ASPRV1: variants seen among roughly 807,000 people sequenced by gnomAD.
The protein encoded by ASPRV1 is retroviral-like aspartic protease 1.
ASPRV1 carries 7 observed loss-of-function variants against 11.0 expected under a neutral mutation model. That is an observed-to-expected ratio of 0.64 (90% confidence interval 0.36 to 1.20). The LOEUF (loss-of-function observed/expected upper bound fraction) is 1.20, where lower values mean the gene tolerates loss of function less well. Ranked by LOEUF, ASPRV1 falls within the 50% of genes most tolerant of loss-of-function variation. The pLI is 0.02. For synonymous variants in ASPRV1, 136 were observed against 138.4 expected, an observed-to-expected ratio of 0.98 and a Z score of 0.12; for missense variants, 299 against 320.0, an observed-to-expected ratio of 0.93 and a Z score of 0.50.
At chr2:69,948,350 C>G in the ASPRV1 span, among the ~76,000 whole-genome samples, 2 of 152,226 alleles carry the variant, frequency 1.3e-5, no homozygotes, top group Non-Finnish European at 2.9e-5. Context: ...CGGCAGGAAG[C>G]TGTCCAGCGG....
chr2:69,945,098 C>T, the ASPRV1 span, among the ~76,000 whole-genome samples: 3 of 152,074 alleles, frequency 2.0e-5, no homozygotes, highest in African/African-American at 7.2e-5. Flanking sequence ...GCCTTCCCAT[C>T]AATAAAGGAC....
chr2:70,077,768 T>C, the ASPRV1 span, among the ~76,000 whole-genome samples: 1 of 150,496 alleles, frequency 6.6e-6, no homozygotes, highest in African/African-American at 2.5e-5. Flanking sequence ...GGCAGGAGAA[T>C]CACTTGAATA....
the ASPRV1 span, chr2:70,056,083 C>G: frequency 1.3e-5 from 2 of 152,072 alleles, no homozygotes; most frequent in Admixed American, 6.6e-5. Flanking sequence ...GTAAAATAAG[C>G]CCATCACACA....
chr2:70,016,964 A>G, the ASPRV1 span, among the ~76,000 whole-genome samples: 1 of 152,186 alleles, frequency 6.6e-6, no homozygotes, highest in Non-Finnish European at 1.5e-5. Flanking sequence ...CACCACATTA[A>G]CAGGAGGAAG....
At chr2:69,985,518 A>G in the ASPRV1 span, among the ~76,000 whole-genome samples, 1 of 152,200 alleles carries the variant, frequency 6.6e-6, no homozygotes, top group Non-Finnish European at 1.5e-5. Context: ...CTTGGGGATC[A>G]AAATCCACTT....
At chr2:69,990,008 C>A in the ASPRV1 span, among the ~76,000 whole-genome samples, 2 of 152,200 alleles carry the variant, frequency 1.3e-5, no homozygotes, top group Admixed American at 1.3e-4. Context: ...ACTCTTTTAA[C>A]CCTCACGGAA....
At chr2:69,938,254 G>C in the ASPRV1 span, 1 of 1,614,196 alleles carries the variant, frequency 6.2e-7, no homozygotes, top group Non-Finnish European at 8.5e-7. Context: ...TAAAGCTGCA[G>C]GACAGTCACA....
the ASPRV1 span, among the ~76,000 whole-genome samples, chr2:69,949,532 T>C: frequency 2.0e-5 from 3 of 152,098 alleles, no homozygotes; most frequent in East Asian, 1.9e-4. Flanking sequence ...ACAAAAGCAA[T>C]TGGACAGAAA....
At chr2:69,995,580 G>A in the ASPRV1 span, among the ~76,000 whole-genome samples, 2 of 152,236 alleles carry the variant, frequency 1.3e-5, no homozygotes, top group Admixed American at 6.5e-5. Context: ...CCTCAGTTGG[G>A]AAGCCAAATG....
the ASPRV1 span, among the ~76,000 whole-genome samples, chr2:69,994,929 A>G: frequency 6.6e-6 from 1 of 150,602 alleles, no homozygotes; most frequent in East Asian, 2.0e-4. Context: ...GTGAACCTGG[A>G]AGGCGGAGCT....
chr2:70,057,245 AAAAG>A, the ASPRV1 span, among the ~76,000 whole-genome samples: 2,218 of 152,142 alleles, frequency 0.015, 48 homozygotes, highest in African/African-American at 0.045. Flanking sequence ...CTATTAAAAA[AAAAG>A]AAAGAAAGAA....
At chr2:70,008,635 G>A in the ASPRV1 span, among the ~76,000 whole-genome samples, 2 of 151,060 alleles carry the variant, frequency 1.3e-5, no homozygotes, top group African/African-American at 4.9e-5. Context: ...ATGTTTTTGT[G>A]TGTTTTTTTT....
chr2:70,080,820 T>C, the ASPRV1 span: 3 of 152,252 alleles, frequency 2.0e-5, no homozygotes, highest in Non-Finnish European at 2.9e-5. Context: ...AACTTCTCAA[T>C]TGACTGTGCT....
chr2:70,054,574 C>G, the ASPRV1 span, among the ~76,000 whole-genome samples: 3 of 139,306 alleles, frequency 2.2e-5, no homozygotes, highest in African/African-American at 8.5e-5. Context: ...AAGACTCCGT[C>G]TCAATAAATA....
chr2:69,988,036 C>T, the ASPRV1 span, among the ~76,000 whole-genome samples: 1 of 152,234 alleles, frequency 6.6e-6, no homozygotes, highest in East Asian at 1.9e-4. Flanking sequence ...TGTGGAGAAA[C>T]TGGAATCTGT....
At chr2:70,042,775 G>C in the ASPRV1 span, among the ~76,000 whole-genome samples, 3 of 152,142 alleles carry the variant, frequency 2.0e-5, no homozygotes, top group Admixed American at 6.5e-5. Flanking sequence ...ATTAAGGTAG[G>C]GGGTACAGAC....
At chr2:70,085,633 A>G in the ASPRV1 span, 6 of 150,182 alleles carry the variant, frequency 4.0e-5, no homozygotes, top group Admixed American at 6.6e-5. Flanking sequence ...CTCTGTTTAA[A>G]AGAGAGAGAG....
At chr2:70,059,127 G>T in the ASPRV1 span, among the ~76,000 whole-genome samples, 3 of 150,580 alleles carry the variant, frequency 2.0e-5, no homozygotes, top group Admixed American at 2.0e-4. Context: ...TCCTGACCTC[G>T]TGATCCGCCC....
chr2:70,050,458 T>G, the ASPRV1 span: 1 of 152,096 alleles, frequency 6.6e-6, no homozygotes, highest in Non-Finnish European at 1.5e-5. Context: ...GGAAGCACGC[T>G]TTTTTCTAAA....
Sources: allele counts gnomAD v4.1 joint callset (sites outside exome capture counted in the v4.1 genomes callset), GRCh38; gene constraint gnomAD v4.1.1; transcripts MANE v1.5; gene names NCBI Gene and HGNC (gene_info 2026-07-23, HGNC 2026-07-21).